Variants in CSNK1D observed in about 807,000 individuals in gnomAD.
The protein encoded by CSNK1D is casein kinase 1 delta.
A neutral mutation model predicts 46.6 loss-of-function variants in CSNK1D; 16 were observed. The ratio of observed to expected loss-of-function variants is 0.34; its 90% confidence interval spans 0.23 to 0.52. The LOEUF (loss-of-function observed/expected upper bound fraction) is 0.52. CSNK1D is among the 20% of genes least tolerant of loss of function. The pLI is 0.95. For synonymous variants in CSNK1D, 276 were observed against 228.2 expected (o/e 1.21, Z -1.89); for missense variants, 398 against 578.4 (o/e 0.69, Z 3.20).
chr17:82,249,505 G>T lies in CSNK1D; in HGVS notation c.983C>A (p.Ser328Tyr). The T allele has an allele frequency of 6.5e-7, 1 of 1,544,294 alleles. No individual in the cohort carries two copies. The change falls in exon 7 of 9, where the codon TCC becomes TAC. Residue 328 changes from serine to tyrosine, a missense_variant. Transcript: ENST00000314028. The surrounding 1 kb of genome is among the most constrained non-coding windows in gnomAD (Gnocchi z 6.7). ...CCCCCGCAGGCGGCCGGAGGCTGTG[G>T]AAGGGAGGCCGCGGGTAGCCGGGTT... ...SRNPATRGLP[S>Y]TASGRLRGTQ...
Position 82,244,314 on chromosome 17 carries a change from T to C in CSNK1D, c.*467A>G. On this transcript the variant is annotated 3_prime_UTR_variant, in exon 9 of 9. Transcript: ENST00000314028. ...TGTCTCAGAATTCCTTAGTCAACATTTTTTTTGTAAGACTGCAAAAACAGA... is the reference window on the plus strand; with the variant it reads ...TGTCTCAGAATTCCTTAGTCAACATCTTTTTTGTAAGACTGCAAAAACAGA... 17 of 1,099,950 alleles carry C rather than the reference T, an allele frequency of 1.5e-5. No individual in the cohort carries two copies. The highest frequency in any genetic ancestry group is 1.8e-5 in the Non-Finnish European group (16 of 895,620). The allele number at this position is 1,099,950 out of a possible 1,614,324, so 68.1% of individuals were successfully genotyped here. A position where few individuals can be genotyped will look rare whatever the true frequency, so the allele number is the denominator to read the frequency against.
chr17:82,250,319 A>AC lies in CSNK1D; in HGVS notation c.886-718dup. On this transcript the variant is annotated intron_variant, in intron 6 of 8. Transcript: ENST00000314028. The surrounding 1 kb of genome is among the most constrained non-coding windows in gnomAD (Gnocchi z 4.6). The stretch of plus-strand genomic sequence containing the variant: ...GCCACGTTCACCAGGCAACACACAG[A>AC]CCGACACACCTGCGGCTGCAGCACC... The AC allele has an allele frequency of 2.9e-6, 2 of 686,478 alleles. No individual in the cohort carries two copies. Among genetic ancestry groups the AC allele is most frequent in the Non-Finnish European group, 4.5e-6 (2 of 448,786 alleles). 42.5% of individuals were successfully genotyped at this position (686,478 alleles called of 1,614,324 possible).
rs1221720567 is a variant in CSNK1D at position 82,243,838 on chromosome 17, TCA to T, written c.*941_*942del. ...AACACTACAGTAACCACCTCTCGGT[TCA>T]CAGTCCTCTCCCAAGGGACCAGAAA... On this transcript the variant is annotated 3_prime_UTR_variant, in exon 9 of 9. Transcript: ENST00000314028. 2 of 985,468 alleles carry T rather than the reference TCA, an allele frequency of 2.0e-6. No homozygotes were observed. The highest frequency in any genetic ancestry group is 2.4e-6 in the Non-Finnish European group (2 of 830,038). 61.0% of individuals were successfully genotyped at this position (985,468 alleles called of 1,614,324 possible).
chr17:82,266,477 G>A (rs2051471195), intron 1 of CSNK1D, among the ~76,000 whole-genome samples: 1 of 152,190 alleles, frequency 6.6e-6, no homozygotes, highest in African/African-American at 2.4e-5. Flanking sequence ...TAAAACCAAT[G>A]ACACATCTAA....
chr17:82,263,309 C>T lies in CSNK1D; in HGVS notation c.187+2377G>A, dbSNP rs3829773. On this transcript the variant is annotated intron_variant, in intron 2 of 8. Coordinates refer to ENST00000314028, the MANE Select transcript of CSNK1D (RefSeq NM_001893.6). ...ATGGTCAGGGACATGGCAATGCGCT[C>T]GAAGCCCAAATGGGAGAAAAACCAT... Among the ~76,000 whole-genome samples the T allele has an allele frequency of 5.2e-3, 794 of 152,328 alleles. 51 individuals are homozygous for T. In the East Asian group the frequency reaches 0.12, roughly 24 times the overall value.
At position 82,250,357 on chromosome 17, in the gene CSNK1D, C is replaced by A; in HGVS notation, c.886-755G>T. On this transcript the variant is annotated intron_variant, in intron 6 of 8. Coordinates refer to ENST00000314028, the MANE Select transcript of CSNK1D (RefSeq NM_001893.6). This position sits in a 1 kb window ranked among gnomAD's most constrained non-coding sequence, Gnocchi z 4.6. ...CGGCTGCAGCACCGTGCGGCCAGCA[C>A]CGCCCAGACTCCTCATGCTGCCATT... 2.2e-6 allele frequency: 1 copy of A among 455,572 alleles called. No individual in the cohort carries two copies. Among genetic ancestry groups the A allele is most frequent in the Non-Finnish European group, 4.0e-6 (1 of 252,070 alleles). 28.2% of individuals were successfully genotyped at this position (455,572 alleles called of 1,614,324 possible).
chr17:82,251,867 G>A lies in CSNK1D; in HGVS notation c.737-340C>T, dbSNP rs944174654. On this transcript the variant is annotated intron_variant, in intron 5 of 8. Coordinates refer to ENST00000314028, the MANE Select transcript of CSNK1D (RefSeq NM_001893.6). This position sits in a 1 kb window ranked among gnomAD's most constrained non-coding sequence, Gnocchi z 4.5. ...AAAGTTCTAGAGCGTGGTGGCGGGC[G>A]CCTGTAGTCCCAGCTACCGGGGAGG... The A allele has an allele frequency of 6.5e-5, 23 of 351,606 alleles. No homozygotes were observed. Among genetic ancestry groups the A allele is most frequent in the African/African-American group, 3.8e-4 (18 of 46,972 alleles). The allele number at this position is 351,606 out of a possible 1,614,324, so 21.8% of individuals were successfully genotyped here. A position where few individuals can be genotyped will look rare whatever the true frequency, so the allele number is the denominator to read the frequency against.
rs771643628 is a variant in CSNK1D at position 82,273,420 on chromosome 17, CT to C, written c.-40del. ...CGATTCGCTCCTGCCCTCCCGGCCG[CT>C]TCCTGGGTCTGAACTCTGGGAGGCG... On this transcript the variant is annotated 5_prime_UTR_variant, in exon 1 of 9. Coordinates refer to ENST00000314028, the MANE Select transcript of CSNK1D (RefSeq NM_001893.6). The surrounding 1 kb of genome is among the most constrained non-coding windows in gnomAD (Gnocchi z 5.1). 6.2e-7 allele frequency: 1 copy of C among 1,607,884 alleles called. No homozygotes were observed. The highest frequency in any genetic ancestry group is 1.1e-5 in the South Asian group (1 of 90,598).
rs1056080263 is a variant in CSNK1D at position 82,246,624 on chromosome 17, G to A, written c.1198-1793C>T. ...GGCGAAGAGGGAACAGACCCAGGCG[G>A]AGTCCGGGCTGGGGCGGGGCCCTAC... On this transcript the variant is annotated intron_variant, in intron 8 of 8. Coordinates refer to ENST00000314028, the MANE Select transcript of CSNK1D (RefSeq NM_001893.6). 3.0e-6 allele frequency: 3 copies of A among 1,007,322 alleles called. No individual in the cohort carries two copies. The African/African-American group carries it at 5.2e-5, about 17-fold the overall frequency. 62.4% of individuals were successfully genotyped at this position (1,007,322 alleles called of 1,614,324 possible).
At chr17:82,239,414 C>T (rs9916408), downstream of CSNK1D, 1,324 of 174,156 alleles carry the variant, frequency 7.6e-3, 13 homozygotes, top group African/African-American at 0.03. Flanking sequence ...TCTTGAGTGT[C>T]TTGGGGACAG....
Position 82,249,081 on chromosome 17 carries a change from G to A in CSNK1D, c.1058-67C>T. 1.3e-6 allele frequency: 2 copies of A among 1,526,490 alleles called. No homozygotes were observed. The highest frequency in any genetic ancestry group is 1.8e-6 in the Non-Finnish European group (2 of 1,133,064). 94.6% of individuals were successfully genotyped at this position (1,526,490 alleles called of 1,614,324 possible). On this transcript the variant is annotated intron_variant, in intron 7 of 8. Transcript: ENST00000314028. The surrounding 1 kb of genome is among the most constrained non-coding windows in gnomAD (Gnocchi z 6.7). ...CTGCCTCTCACTCGGGGCTTTCTATGAGAGGCTGTGGCCAGAGAGGACCCT... is the reference window on the plus strand; with the variant it reads ...CTGCCTCTCACTCGGGGCTTTCTATAAGAGGCTGTGGCCAGAGAGGACCCT...
chr17:82,260,492 T>G (rs865834037), intron 2 of CSNK1D, among the ~76,000 whole-genome samples: 16 of 147,372 alleles, frequency 1.1e-4, no homozygotes, highest in African/African-American at 3.0e-4. Flanking sequence ...GATGGTGTAC[T>G]GACTGATGTG....
At position 82,250,074 on chromosome 17, in the gene CSNK1D, G is replaced by A; in HGVS notation, c.886-472C>T. 7.8e-7 allele frequency: 1 copy of A among 1,287,860 alleles called. No individual in the cohort carries two copies. Among genetic ancestry groups the A allele is most frequent in the Non-Finnish European group, 1.0e-6 (1 of 987,918 alleles). The allele number at this position is 1,287,860 out of a possible 1,614,324, so 79.8% of individuals were successfully genotyped here. A position where few individuals can be genotyped will look rare whatever the true frequency, so the allele number is the denominator to read the frequency against. ...GGTCCGGACCCTGCAGCCTCCAACA[G>A]CCTGTGCAGGTGTGGTGGCGTGGCC... On this transcript the variant is annotated intron_variant, in intron 6 of 8. Coordinates refer to ENST00000314028, the MANE Select transcript of CSNK1D (RefSeq NM_001893.6). This position sits in a 1 kb window ranked among gnomAD's most constrained non-coding sequence, Gnocchi z 4.6.
At position 82,242,875 on chromosome 17, in the gene CSNK1D, G is replaced by A; in HGVS notation, c.*1906C>T. 1 of 985,464 alleles carries A rather than the reference G, an allele frequency of 1.0e-6. No homozygotes were observed. Among genetic ancestry groups the A allele is most frequent in the Non-Finnish European group, 1.2e-6 (1 of 829,948 alleles). The allele number at this position is 985,464 out of a possible 1,614,324, so 61.0% of individuals were successfully genotyped here. A position where few individuals can be genotyped will look rare whatever the true frequency, so the allele number is the denominator to read the frequency against. On this transcript the variant is annotated 3_prime_UTR_variant, in exon 9 of 9. Transcript: ENST00000314028. Reference sequence around the variant, plus strand: ...GAAGACGCGACCCGGCGAGGCTCGGGCTGGAACCCGGGCGCAGAGCTGCCT... The same window carrying A: ...GAAGACGCGACCCGGCGAGGCTCGGACTGGAACCCGGGCGCAGAGCTGCCT...
chr17:82,264,495 C>T (rs1366382085), intron 2 of CSNK1D, among the ~76,000 whole-genome samples: 5 of 152,198 alleles, frequency 3.3e-5, no homozygotes, highest in South Asian at 2.1e-4. Context: ...CACCGTGGAA[C>T]ACCAGGTACC....
chr17:82,244,903 C>T (rs569630890), intron 8 of CSNK1D, 72 bp from the exon 9 acceptor site: 51 of 1,603,190 alleles, frequency 3.2e-5, no homozygotes, highest in East Asian at 8.9e-5. Context: ...ACCACAGTGA[C>T]GGTGCTGGGC....
At chr17:82,265,472 C>T (rs1599614504) in intron 2 of CSNK1D, 3 of 566,288 alleles carry the variant, frequency 5.3e-6, no homozygotes, top group East Asian at 6.4e-5. Flanking sequence ...AGCCACCATG[C>T]CCGGCCCATA....
At chr17:82,271,075 T>TA (rs1453051113) in intron 1 of CSNK1D, among the ~76,000 whole-genome samples, 1 of 152,146 alleles carries the variant, frequency 6.6e-6, no homozygotes, top group African/African-American at 2.4e-5. Flanking sequence ...TCAAAGTACT[T>TA]CTTATTTATT....
chr17:82,244,473 C>A lies in CSNK1D; in HGVS notation c.*308G>T. The A allele has an allele frequency of 7.3e-7, 1 of 1,368,626 alleles. No homozygotes were observed. Among genetic ancestry groups the A allele is most frequent in the Non-Finnish European group, 9.5e-7 (1 of 1,056,874 alleles). 84.8% of individuals were successfully genotyped at this position (1,368,626 alleles called of 1,614,324 possible). On this transcript the variant is annotated 3_prime_UTR_variant, in exon 9 of 9. Coordinates refer to ENST00000314028, the MANE Select transcript of CSNK1D (RefSeq NM_001893.6). ...GAATCGTCAGGGAGTACAGGGCGGC[C>A]ACCACTGGAGGGAGCTGAGGCCCTG...
Sources: allele counts gnomAD v4.1 joint callset (sites outside exome capture counted in the v4.1 genomes callset), GRCh38; gene constraint gnomAD v4.1.1; non-coding constraint Gnocchi (gnomAD v3.1); transcripts MANE v1.5; gene names NCBI Gene and HGNC (gene_info 2026-07-23, HGNC 2026-07-21).